The following RAD51B variants were observed in gnomAD, a reference collection of about 807,000 sequenced individuals.
RAD51B encodes the protein DNA repair protein RAD51 homolog 2.
A neutral mutation model predicts 42.2 loss-of-function variants in RAD51B; 38 were observed. The observed-to-expected ratio is 0.90, with a 90% CI of 0.70 to 1.18. The LOEUF (loss-of-function observed/expected upper bound fraction) is 1.18. RAD51B is among the 50% of genes most tolerant of loss of function. The pLI, the probability that RAD51B is intolerant of heterozygous loss-of-function variation, is 0.00. For missense variants in RAD51B, 373 were observed against 400.7 expected (o/e 0.93, Z 0.59); for synonymous variants, 154 against 145.2 (o/e 1.06, Z -0.43).
chr14:68,661,295 T>C (rs1025611508), intron 11 of RAD51B, among the ~76,000 whole-genome samples: 1 of 152,212 alleles, frequency 6.6e-6, no homozygotes, highest in Non-Finnish European at 1.5e-5. Flanking sequence ...ATTCCCGCTT[T>C]ACAGAACAGG....
At chr14:67,860,370 A>G (rs1017104904) in intron 4 of RAD51B, among the ~76,000 whole-genome samples, 4 of 152,208 alleles carry the variant, frequency 2.6e-5, no homozygotes, top group Non-Finnish European at 5.9e-5. Context: ...ATTCTTGAAA[A>G]TAAGTGACTT....
At chr14:67,909,255 G>A (rs2140109322) in intron 7 of RAD51B, among the ~76,000 whole-genome samples, 4 of 152,282 alleles carry the variant, frequency 2.6e-5, no homozygotes, top group African/African-American at 9.6e-5. Context: ...CACTCTAGAT[G>A]TGAGGTAATA....
chr14:68,257,899 A>G (rs1250860677), intron 7 of RAD51B, among the ~76,000 whole-genome samples: 1 of 152,326 alleles, frequency 6.6e-6, no homozygotes, highest in East Asian at 1.9e-4. Context: ...TTTTTAATTA[A>G]TGGATAGATT....
intron 8 of RAD51B, among the ~76,000 whole-genome samples, chr14:68,303,110 G>T (rs2081780228): frequency 6.6e-6 from 1 of 152,128 alleles, no homozygotes; most frequent in Non-Finnish European, 1.5e-5. Context: ...AGAAAATGTG[G>T]CACATACACA....
intron 7 of RAD51B, among the ~76,000 whole-genome samples, chr14:68,107,630 C>T (rs534868476): frequency 6.6e-6 from 1 of 151,842 alleles, no homozygotes; most frequent in African/African-American, 2.4e-5. Flanking sequence ...AAATACAGAT[C>T]CATGAATTAT....
At chr14:67,912,495 A>G (rs2044017780) in intron 7 of RAD51B, among the ~76,000 whole-genome samples, 1 of 152,198 alleles carries the variant, frequency 6.6e-6, no homozygotes, top group African/African-American at 2.4e-5. Context: ...GGTGCTCCCA[A>G]AACTCATTCA....
chr14:67,934,957 C>T (rs1168706897), intron 7 of RAD51B, among the ~76,000 whole-genome samples: 1 of 152,230 alleles, frequency 6.6e-6, no homozygotes. Flanking sequence ...GCACCATACT[C>T]TCCTCTGCTA....
intron 10 of RAD51B, among the ~76,000 whole-genome samples, chr14:68,583,600 C>T (rs536500309): frequency 1.3e-5 from 2 of 152,306 alleles, no homozygotes; most frequent in South Asian, 2.1e-4. Flanking sequence ...TGGGGGAGCC[C>T]GCCTGGGCTG....
At chr14:68,662,184 A>G (rs923277984) in intron 11 of RAD51B, among the ~76,000 whole-genome samples, 2 of 152,222 alleles carry the variant, frequency 1.3e-5, no homozygotes. Context: ...ACCTAAGATG[A>G]CACCAATTTT....
intron 8 of RAD51B, among the ~76,000 whole-genome samples, chr14:68,375,626 G>A (rs1444787097): frequency 2.0e-5 from 3 of 152,060 alleles, no homozygotes; most frequent in Non-Finnish European, 4.4e-5. Context: ...TGTTTAGGCT[G>A]TAAGGATGCA....
chr14:68,354,851 C>T (rs1471709601), intron 8 of RAD51B, among the ~76,000 whole-genome samples: 1 of 152,090 alleles, frequency 6.6e-6, no homozygotes, highest in Non-Finnish European at 1.5e-5. Flanking sequence ...GTAGTGGACT[C>T]AGGACAGAAT....
chr14:68,382,687 C>T (rs2083505135), intron 8 of RAD51B, among the ~76,000 whole-genome samples: 1 of 152,146 alleles, frequency 6.6e-6, no homozygotes, highest in African/African-American at 2.4e-5. Flanking sequence ...GTTGTATTCC[C>T]TTATCTGGCT....
chr14:67,947,302 G>C (rs561411900), intron 7 of RAD51B, among the ~76,000 whole-genome samples: 1 of 152,176 alleles, frequency 6.6e-6, no homozygotes, highest in Non-Finnish European at 1.5e-5. Flanking sequence ...TATTCCGGGG[G>C]TTAGGAAATA....
In RAD51B at chr14:68,227,723, C is replaced by T. The variant is rs138928384; in HGVS notation, c.757-64161C>T. 4.5e-3 allele frequency among the ~76,000 whole-genome samples: 686 copies of T among 152,204 alleles called. 3 individuals carry two copies. Among genetic ancestry groups the T allele is most frequent in the Middle Eastern group, 0.01 (3 of 294 alleles). On this transcript the variant is annotated intron_variant, in intron 7 of 10. Transcript: ENST00000471583. ...TATATTTCTGTTTGGAGACAGTGTACAGACACTTACATATTCAGATTCTAT... is the reference window on the plus strand; with the variant it reads ...TATATTTCTGTTTGGAGACAGTGTATAGACACTTACATATTCAGATTCTAT...
intron 7 of RAD51B, among the ~76,000 whole-genome samples, chr14:68,007,503 CA>C (rs2075610198): frequency 6.6e-6 from 1 of 151,870 alleles, no homozygotes; most frequent in Non-Finnish European, 1.5e-5. Context: ...ACACTTTTAT[CA>C]ACGCTTTTTA....
intron 7 of RAD51B, among the ~76,000 whole-genome samples, chr14:68,102,163 A>C (rs1014205814): frequency 2.0e-5 from 3 of 152,192 alleles, no homozygotes; most frequent in African/African-American, 7.2e-5. Flanking sequence ...GGCTTGGTCC[A>C]CAAAACCATT....
At chr14:68,626,317 C>G (rs557446795) in intron 10 of RAD51B, among the ~76,000 whole-genome samples, 13 of 152,356 alleles carry the variant, frequency 8.5e-5, no homozygotes, top group Admixed American at 8.5e-4. Context: ...GCTGAGCTAT[C>G]AGGAGGTCCT....
At chr14:68,472,841 T>A (rs2086160380) in intron 10 of RAD51B, among the ~76,000 whole-genome samples, 1 of 152,226 alleles carries the variant, frequency 6.6e-6, no homozygotes, top group South Asian at 2.1e-4. Flanking sequence ...GCAACAGCGA[T>A]CTTTTTTAGA....
At chr14:68,525,310 G>C (rs1453939395) in intron 10 of RAD51B, among the ~76,000 whole-genome samples, 1 of 152,244 alleles carries the variant, frequency 6.6e-6, no homozygotes, top group African/African-American at 2.4e-5. Context: ...TTTTAGCCCA[G>C]TGAGACCCAT....
Sources: gnomAD v4.1 joint callset for allele counts (sites outside exome capture counted in the v4.1 genomes callset) on GRCh38, gnomAD v4.1.1 for gene constraint, MANE v1.5 for transcripts, NCBI Gene and HGNC (gene_info 2026-07-23, HGNC 2026-07-21) for gene names.